Variants in GABRG1 observed in about 807,000 individuals in gnomAD.
GABRG1 encodes the protein gamma-aminobutyric acid type A receptor subunit gamma1, also known as gamma-aminobutyric acid receptor subunit gamma-1.
A neutral mutation model predicts 49.8 loss-of-function variants in GABRG1; 49 were observed. That is an observed-to-expected ratio of 0.98 (90% CI 0.78 to 1.25). The LOEUF is 1.25. Among genes scored for constraint, GABRG1 ranks in the 50% most tolerant of loss-of-function variants. The pLI is 0.00. For synonymous variants in GABRG1, 232 were observed against 185.1 expected, an observed-to-expected ratio of 1.25 and a Z score of -2.06; for missense variants, 552 against 552.3, an observed-to-expected ratio of 1.00 and a Z score of 0.01.
chr4:46,088,765 A>G (rs576194361), intron 2 of GABRG1, among the ~76,000 whole-genome samples: 3 of 143,792 alleles, frequency 2.1e-5, no homozygotes, highest in African/African-American at 7.9e-5. Flanking sequence ...ACACACACAC[A>G]CCCCATATAT....
At chr4:46,092,438 A>C (rs1159680588) in intron 2 of GABRG1, among the ~76,000 whole-genome samples, 1 of 152,040 alleles carries the variant, frequency 6.6e-6, no homozygotes, top group Non-Finnish European at 1.5e-5. Flanking sequence ...AAATTTATAA[A>C]TGAATATGTG....
intron 3 of GABRG1, among the ~76,000 whole-genome samples, chr4:46,068,506 G>A (rs1241629590): frequency 6.6e-6 from 1 of 152,008 alleles, no homozygotes; most frequent in Non-Finnish European, 1.5e-5. Flanking sequence ...GATTTCCAAA[G>A]GATCAGAAAT....
At chr4:46,060,955 T>G (rs1477101232) in intron 5 of GABRG1, among the ~76,000 whole-genome samples, 1 of 152,136 alleles carries the variant, frequency 6.6e-6, no homozygotes, top group Non-Finnish European at 1.5e-5. Context: ...TGTGAAATAT[T>G]AGATGCAGAT....
intron 1 of GABRG1, among the ~76,000 whole-genome samples, chr4:46,122,347 A>G (rs1721111645): frequency 6.6e-6 from 1 of 152,170 alleles, no homozygotes; most frequent in South Asian, 2.1e-4. Flanking sequence ...TTATTTCAGA[A>G]AACTACTGTA....
intron 8 of GABRG1, among the ~76,000 whole-genome samples, chr4:46,048,457 T>C (rs911818992): frequency 7.2e-5 from 10 of 139,170 alleles, no homozygotes; most frequent in Non-Finnish European, 1.2e-4. Context: ...CTGTTGGTGG[T>C]GGTATCTATA....
At chr4:46,075,894 C>T (rs760361236) in intron 3 of GABRG1, among the ~76,000 whole-genome samples, 2 of 151,808 alleles carry the variant, frequency 1.3e-5, no homozygotes, top group East Asian at 3.9e-4. Flanking sequence ...TAAGTGGGAA[C>T]GTAAAACTCT....
At chr4:46,088,220 G>C (rs1719853488) in intron 2 of GABRG1, among the ~76,000 whole-genome samples, 1 of 152,026 alleles carries the variant, frequency 6.6e-6, no homozygotes, top group African/African-American at 2.4e-5. Flanking sequence ...GTTAGTAGTA[G>C]TGTTTAGTGG....
rs1383996523 is a variant in GABRG1, at chr4:46,123,801, T to C, written c.104+9A>G. ...CAAAGAATAGTTTTAAACCCCTGAA[T>C]TTACTCACCAGTTTCCCAAATGCAG... On this transcript the variant is annotated intron_variant, in intron 1 of 8. Coordinates refer to ENST00000295452, the MANE Select transcript of GABRG1 (RefSeq NM_173536.4). 1.2e-6 allele frequency: 2 copies of C among 1,602,468 alleles called. No individual in the cohort carries two copies.
At chr4:46,043,378 C>A (rs564777743) in intron 8 of GABRG1, among the ~76,000 whole-genome samples, 48 of 151,826 alleles carry the variant, frequency 3.2e-4, no homozygotes, top group African/African-American at 1.1e-3. Context: ...CCACCCCATC[C>A]CCTCAAAACT....
intron 7 of GABRG1, 55 bp from the exon 8 acceptor site, chr4:46,051,693 T>C: frequency 1.8e-6 from 2 of 1,100,894 alleles, no homozygotes; most frequent in Non-Finnish European, 2.7e-6. Flanking sequence ...ACATTTATTC[T>C]TCCATCTGAT....
At chr4:46,088,655 T>C (rs1719867405) in intron 2 of GABRG1, among the ~76,000 whole-genome samples, 1 of 151,912 alleles carries the variant, frequency 6.6e-6, no homozygotes, top group Non-Finnish European at 1.5e-5. Context: ...AGCATTCGCA[T>C]ATAGAATGCC....
intron 5 of GABRG1, among the ~76,000 whole-genome samples, chr4:46,060,252 G>A (rs918225035): frequency 8.0e-6 from 1 of 124,872 alleles, no homozygotes; most frequent in Non-Finnish European, 1.7e-5. Context: ...GCTTTCGGTG[G>A]TTGTATGTGT....
intron 2 of GABRG1, among the ~76,000 whole-genome samples, chr4:46,096,692 A>C (rs1429408960): frequency 6.6e-6 from 1 of 150,986 alleles, no homozygotes; most frequent in Non-Finnish European, 1.5e-5. Context: ...GAAGGTAACC[A>C]AAAAAAGTGT....
chr4:46,098,676 ATAT>A (rs1720272953), intron 1 of GABRG1, among the ~76,000 whole-genome samples: 3 of 151,874 alleles, frequency 2.0e-5, no homozygotes, highest in Admixed American at 2.0e-4. Flanking sequence ...CTTGAGAGAA[ATAT>A]TACTGCTTTT....
At position 46,037,312 on chromosome 4, in the gene GABRG1, T is replaced by C. The variant is rs1717569423; in HGVS notation, c.*3676A>G. The C allele has an allele frequency of 6.6e-6, 1 of 151,836 alleles. No homozygotes were observed. Among genetic ancestry groups the C allele is most frequent in the Admixed American group, 6.6e-5 (1 of 15,186 alleles). 9.4% of individuals were successfully genotyped at this position (151,836 alleles called of 1,614,324 possible). A position where few individuals can be genotyped will look rare whatever the true frequency, so the allele number is the denominator to read the frequency against. ...TTAACTAGAGCAATGTGGTCAATAG[T>C]ATTTGAAAACTCCATTTGGAAAGTC... is the stretch of plus-strand genomic sequence containing the variant. On this transcript the variant is annotated 3_prime_UTR_variant, in exon 9 of 9. Transcript: ENST00000295452.
intron 7 of GABRG1, among the ~76,000 whole-genome samples, chr4:46,056,124 G>GAA (rs1169065450): frequency 1.3e-4 from 1 of 7,646 alleles, no homozygotes; most frequent in Non-Finnish European, 2.1e-4. Context: ...AAAAAGAAAG[G>GAA]AAAAAAAAAA....
intron 3 of GABRG1, among the ~76,000 whole-genome samples, chr4:46,065,968 C>G (rs184604871): frequency 6.6e-6 from 1 of 152,088 alleles, no homozygotes; most frequent in Non-Finnish European, 1.5e-5. Context: ...GTGATCTGCC[C>G]GGCTCATCCT....
intron 1 of GABRG1, among the ~76,000 whole-genome samples, chr4:46,120,237 A>C (rs1721054978): frequency 1.3e-5 from 2 of 151,656 alleles, no homozygotes; most frequent in Admixed American, 1.3e-4. Context: ...GTCATTTATC[A>C]TATTTTGGTA....
intron 8 of GABRG1, among the ~76,000 whole-genome samples, chr4:46,043,006 T>TA (rs1010143885): frequency 7.3e-5 from 11 of 150,770 alleles, no homozygotes; most frequent in South Asian, 2.1e-4. Flanking sequence ...TAAAATCATG[T>TA]AAAAAAAAAG....
Sources: allele counts gnomAD v4.1 joint callset (sites outside exome capture counted in the v4.1 genomes callset), GRCh38; gene constraint gnomAD v4.1.1; transcripts MANE v1.5; gene names NCBI Gene and HGNC (gene_info 2026-07-23, HGNC 2026-07-21).